Variants in GRIN2A observed in about 807,000 individuals in gnomAD.
The protein encoded by GRIN2A is glutamate receptor ionotropic, NMDA 2A.
A neutral mutation model predicts 113.4 loss-of-function variants in GRIN2A; 22 were observed. The observed-to-expected ratio is 0.19, with a 90% CI of 0.14 to 0.28. The LOEUF (loss-of-function observed/expected upper bound fraction) is 0.28, where lower values mean the gene tolerates loss of function less well. Ranked by LOEUF, GRIN2A falls within the 10% of genes least tolerant of loss-of-function variation. GRIN2A has a pLI of 1.00. For synonymous variants in GRIN2A, 827 were observed against 738.4 expected, an observed-to-expected ratio of 1.12 and a Z score of -1.94; for missense variants, 1,502 against 1,887.0, an observed-to-expected ratio of 0.80 and a Z score of 3.78.
chr16:10,167,754 C>T (rs572246224), intron 2 of GRIN2A, among the ~76,000 whole-genome samples: 1 of 152,132 alleles, frequency 6.6e-6, no homozygotes, highest in Admixed American at 6.5e-5. Flanking sequence ...GACAATATAT[C>T]AATTGCCATC....
chr16:9,896,203 C>T (rs11648509), intron 3 of GRIN2A, among the ~76,000 whole-genome samples: 43,223 of 151,866 alleles, frequency 0.28, 7,050 homozygotes, highest in African/African-American at 0.44. Flanking sequence ...GTACCTGCCA[C>T]CACTCCCGGC....
chr16:9,873,381 G>T (rs2141431921), intron 4 of GRIN2A, among the ~76,000 whole-genome samples: 1 of 152,248 alleles, frequency 6.6e-6, no homozygotes, highest in Middle Eastern at 3.4e-3. Flanking sequence ...TTGCTGTATT[G>T]ATTCAAGTCA....
chr16:9,796,833 C>T (rs139605282), intron 11 of GRIN2A, among the ~76,000 whole-genome samples: 1 of 152,292 alleles, frequency 6.6e-6, no homozygotes, highest in African/African-American at 2.4e-5. Flanking sequence ...TACTGTTGTA[C>T]GCCTCTAAGA....
At chr16:10,146,220 C>A (rs2049437113) in intron 2 of GRIN2A, among the ~76,000 whole-genome samples, 2 of 152,132 alleles carry the variant, frequency 1.3e-5, no homozygotes, top group African/African-American at 2.4e-5. Context: ...CGGGTTCAAG[C>A]AATTCTCCTG....
chr16:9,856,920 G>A (rs2042978906), intron 4 of GRIN2A, among the ~76,000 whole-genome samples: 1 of 152,118 alleles, frequency 6.6e-6, no homozygotes, highest in African/African-American at 2.4e-5. Context: ...ATGCAGAAAT[G>A]TGACAGATGT....
At chr16:10,009,250 C>G (rs893268648) in intron 2 of GRIN2A, among the ~76,000 whole-genome samples, 1 of 152,190 alleles carries the variant, frequency 6.6e-6, no homozygotes, top group African/African-American at 2.4e-5. Context: ...TAGACACATA[C>G]AGATGCTGAT....
chr16:9,888,640 T>C (rs2043632866), intron 4 of GRIN2A, among the ~76,000 whole-genome samples: 2 of 151,988 alleles, frequency 1.3e-5, no homozygotes, highest in Non-Finnish European at 2.9e-5. Context: ...ATTTAATATA[T>C]ATATTTTATG....
intron 3 of GRIN2A, among the ~76,000 whole-genome samples, chr16:9,935,032 G>A (rs1001584538): frequency 5.9e-5 from 9 of 152,070 alleles, no homozygotes; most frequent in East Asian, 3.9e-4. Context: ...GGGAAATTGC[G>A]CAACAGCATT....
At chr16:9,912,515 GT>G (rs1254223592) in intron 3 of GRIN2A, among the ~76,000 whole-genome samples, 1 of 121,816 alleles carries the variant, frequency 8.2e-6, no homozygotes, top group Non-Finnish European at 1.6e-5. Context: ...AGTGGGTGGG[GT>G]GGGGGGAGGG....
Position 9,764,874 on chromosome 16 carries a change from G to A in GRIN2A, c.2670C>T (p.Ser890=), listed in dbSNP as rs764394577. Residue 890 remains serine (S), a synonymous_variant, in exon 13 of 13, where the codon TCC becomes TCT. Coordinates refer to ENST00000330684, the MANE Select transcript of GRIN2A (RefSeq NM_001134407.3). ...GGAGGAGTTTTAACATGTTGCTCTG[G>A]GATCCCGTCAGATTGAAGTCTGGAG... ...KKSPDFNLTG[S]QSNMLKLLRS... The A allele has an allele frequency of 1.2e-6, 2 of 1,614,112 alleles. No individual in the cohort carries two copies. The highest frequency in any genetic ancestry group is 1.7e-6 in the Non-Finnish European group (2 of 1,180,008).
intron 9 of GRIN2A, among the ~76,000 whole-genome samples, chr16:9,824,030 C>A (rs2042339496): frequency 6.6e-6 from 1 of 152,188 alleles, no homozygotes; most frequent in Non-Finnish European, 1.5e-5. Flanking sequence ...AGAGTCAAAC[C>A]AGCTAGAAAC....
In GRIN2A at chr16:9,764,593, T is replaced by C; in HGVS notation, c.2951A>G (p.His984Arg). 1 of 1,614,072 alleles carries C rather than the reference T, an allele frequency of 6.2e-7. No individual in the cohort carries two copies. The highest frequency in any genetic ancestry group is 1.1e-5 in the South Asian group (1 of 91,082). Residue 984 changes from histidine to arginine, a missense_variant, in exon 13 of 13, where the codon CAT (histidine) becomes CGT (arginine). Coordinates refer to ENST00000330684, the MANE Select transcript of GRIN2A (RefSeq NM_001134407.3). ...GTTGGACTCATTGAGAGTAAGAGGA[T>C]GTTGTCCCTGGAATACATAGTTATT... ...NLNNYVFQGQ[H>R]PLTLNESNPN...
chr16:10,105,204 T>C (rs1247520153), intron 2 of GRIN2A, among the ~76,000 whole-genome samples: 4 of 152,050 alleles, frequency 2.6e-5, no homozygotes, highest in Non-Finnish European at 4.4e-5. Context: ...ACAAAAAGCC[T>C]AAGGATCCTC....
intron 4 of GRIN2A, among the ~76,000 whole-genome samples, chr16:9,882,827 T>G (rs1010306754): frequency 6.6e-6 from 1 of 152,138 alleles, no homozygotes; most frequent in South Asian, 2.1e-4. Flanking sequence ...ATGCAATAAA[T>G]GCCTATACCC....
chr16:9,909,765 T>C (rs948796311), intron 3 of GRIN2A, among the ~76,000 whole-genome samples: 4 of 152,232 alleles, frequency 2.6e-5, no homozygotes, highest in South Asian at 2.1e-4. Flanking sequence ...TATTTTCATG[T>C]ATATTGGAAA....
intron 2 of GRIN2A, among the ~76,000 whole-genome samples, chr16:10,091,113 A>T (rs1265876577): frequency 1.3e-5 from 2 of 152,350 alleles, no homozygotes; most frequent in East Asian, 3.9e-4. Flanking sequence ...ATATGGTGCA[A>T]CTACCTGTGA....
intron 2 of GRIN2A, among the ~76,000 whole-genome samples, chr16:10,117,210 T>A (rs538463793): frequency 6.6e-6 from 1 of 152,204 alleles, no homozygotes; most frequent in African/African-American, 2.4e-5. Flanking sequence ...TGGCTCCAAG[T>A]GGAAGCAAGA....
At chr16:10,150,895 A>G (rs1275311262) in intron 2 of GRIN2A, among the ~76,000 whole-genome samples, 1 of 152,120 alleles carries the variant, frequency 6.6e-6, no homozygotes, top group Admixed American at 6.5e-5. Flanking sequence ...GATCATGTCC[A>G]TCTTGTTTAT....
intron 2 of GRIN2A, among the ~76,000 whole-genome samples, chr16:10,055,893 C>T (rs2047449723): frequency 6.6e-6 from 1 of 152,190 alleles, no homozygotes; most frequent in African/African-American, 2.4e-5. Context: ...TATACATGTA[C>T]ATTTTTGTCA....
Sources: allele counts gnomAD v4.1 joint callset (sites outside exome capture counted in the v4.1 genomes callset), GRCh38; gene constraint gnomAD v4.1.1; transcripts MANE v1.5; gene names NCBI Gene and HGNC (gene_info 2026-07-23, HGNC 2026-07-21).